PPID: variants seen among roughly 807,000 people sequenced by gnomAD.
The protein encoded by PPID is peptidyl-prolyl cis-trans isomerase D.
A neutral mutation model predicts 48.1 loss-of-function variants in PPID; 47 were observed. That is an observed-to-expected ratio of 0.98 (90% CI 0.77 to 1.25). The LOEUF (loss-of-function observed/expected upper bound fraction) is 1.25, where lower values mean the gene tolerates loss of function less well. PPID is among the 50% of genes most tolerant of loss of function. PPID has a pLI of 0.00. For missense variants in PPID, 429 were observed against 443.5 expected (o/e 0.97, Z 0.29); for synonymous variants, 163 against 148.8 (o/e 1.10, Z -0.69).
intron 3 of PPID, among the ~76,000 whole-genome samples, chr4:158,718,806 CCT>C (rs1199950423): frequency 1.3e-5 from 2 of 152,256 alleles, no homozygotes; most frequent in East Asian, 1.9e-4. Context: ...GTGCAAATCC[CCT>C]GACATCCTGG....
chr4:158,709,535 GAAAC>G lies in PPID; in HGVS notation c.*197_*200del, dbSNP rs972837539. 3.2e-5 allele frequency: 13 copies of G among 409,016 alleles called. No individual in the cohort carries two copies. Among genetic ancestry groups the G allele is most frequent in the African/African-American group, 1.7e-4 (8 of 47,912 alleles). The allele number at this position is 409,016 out of a possible 1,614,324, so 25.3% of individuals were successfully genotyped here. A position where few individuals can be genotyped will look rare whatever the true frequency, so the allele number is the denominator to read the frequency against. The stretch of plus-strand genomic sequence containing the variant: ...TGACAGAGCAAGACTCCATCTCAAA[GAAAC>G]AAACAAAACCACTTTACTTACTGTA... On this transcript the variant is annotated 3_prime_UTR_variant, in exon 10 of 10. Transcript: ENST00000307720.
At chr4:158,710,699 G>T in intron 8 of PPID, 29 bp from the exon 9 acceptor site, 1 of 1,611,790 alleles carries the variant, frequency 6.2e-7, no homozygotes, top group Non-Finnish European at 8.5e-7. Flanking sequence ...ATTTAAGTTA[G>T]GTGTATGATT....
At chr4:158,720,092 T>A (rs77026685) in intron 2 of PPID, among the ~76,000 whole-genome samples, 1,880 of 152,266 alleles carry the variant, frequency 0.012, 30 homozygotes, top group African/African-American at 0.043. Flanking sequence ...TTGGGCACAC[T>A]CTACCTAGCA....
At chr4:158,715,897 C>T (rs1288293447) in intron 4 of PPID, among the ~76,000 whole-genome samples, 1 of 152,104 alleles carries the variant, frequency 6.6e-6, no homozygotes, top group African/African-American at 2.4e-5. Flanking sequence ...GCTCAATAAA[C>T]ACAGAATAAG....
At chr4:158,716,356 A>G (rs1774871480) in intron 4 of PPID, among the ~76,000 whole-genome samples, 1 of 152,168 alleles carries the variant, frequency 6.6e-6, no homozygotes, top group Non-Finnish European at 1.5e-5. Flanking sequence ...AGTCAAGGCC[A>G]AGCCTCTAGT....
intron 9 of PPID, 82 bp from the exon 10 acceptor site, chr4:158,709,906 C>A: frequency 8.6e-7 from 1 of 1,163,472 alleles, no homozygotes; most frequent in Non-Finnish European, 1.2e-6. Flanking sequence ...TTAATGTTAA[C>A]TACCCCTTGA....
intron 9 of PPID, 40 bp downstream of exon 9, chr4:158,710,584 TTAAA>T (rs746695098): frequency 1.9e-6 from 3 of 1,583,334 alleles, no homozygotes; most frequent in African/African-American, 1.3e-5. Context: ...GGATAAGTAT[TTAAA>T]TAACAAAATT....
chr4:158,717,037 T>G lies in PPID; in HGVS notation c.497A>C (p.Glu166Ala), dbSNP rs1411992948. ...TTTAGCAGGTTTTTCACCTTTCACT[T>G]CCACATTTTCCAATATCCTTGCCAC... is the stretch of plus-strand genomic sequence containing the variant. Reference protein sequence around the residue: ...IGVARILENVEVKGEKPAKLC... With the variant: ...IGVARILENVAVKGEKPAKLC... The change falls in exon 4 of 10, where the codon GAA (glutamate) becomes GCA (alanine). Residue 166 changes from glutamate to alanine, a missense_variant. By Grantham distance (107) the Glu-to-Ala change is moderately radical (BLOSUM62 -1). Transcript: ENST00000307720. 1.2e-6 allele frequency: 2 copies of G among 1,613,766 alleles called. No individual in the cohort carries two copies. The highest frequency in any genetic ancestry group is 1.7e-5 in the Admixed American group (1 of 59,942).
chr4:158,720,408 C>T (rs1440596875), intron 2 of PPID, among the ~76,000 whole-genome samples: 1 of 152,060 alleles, frequency 6.6e-6, no homozygotes, highest in Non-Finnish European at 1.5e-5. Flanking sequence ...AAATGTTGCT[C>T]TTGTGATTAT....
intron 3 of PPID, among the ~76,000 whole-genome samples, chr4:158,718,855 G>A (rs1774911305): frequency 2.0e-5 from 3 of 152,144 alleles, no homozygotes; most frequent in African/African-American, 4.8e-5. Context: ...CAAATTCAAG[G>A]ATAAGGATGC....
At position 158,722,263 on chromosome 4, in the gene PPID, G is replaced by A. The variant is rs190922739; in HGVS notation, c.86-780C>T. Among the ~76,000 whole-genome samples the A allele has an allele frequency of 2.0e-5, 3 of 152,302 alleles. No individual in the cohort carries two copies. The East Asian group carries it at 5.8e-4, about 29-fold the overall frequency. ...TAAATCCTGAGTAATTTCTTCAAGA[G>A]GTACTGAGAATTTCCAATCACCAAG... is the stretch of plus-strand genomic sequence containing the variant. On this transcript the variant is annotated intron_variant, in intron 1 of 9. Coordinates refer to ENST00000307720, the MANE Select transcript of PPID (RefSeq NM_005038.3).
In PPID at chr4:158,715,357, T is replaced by C. The variant is rs1774853057; in HGVS notation, c.692A>G (p.Asn231Ser). ...CCAGTTCTGGGATTTGAAAAAAGTA[T>C]TTCCAATGTTTTTTAAGTCTTCTGT... ...LITEDLKNIGNTFFKSQNWEM... is the reference protein window; with the variant it reads ...LITEDLKNIGSTFFKSQNWEM... Residue 231 changes from asparagine (N) to serine (S), a missense_variant, in exon 6 of 10, where the codon AAT becomes AGT. Transcript: ENST00000307720. 1 of 1,542,948 alleles carries C rather than the reference T, an allele frequency of 6.5e-7. No homozygotes were observed. The highest frequency in any genetic ancestry group is 1.4e-5 in the African/African-American group (1 of 72,142).
chr4:158,719,152 G>A (rs1186745369), intron 3 of PPID, 28 bp downstream of exon 3: 10 of 1,398,198 alleles, frequency 7.2e-6, no homozygotes, highest in Non-Finnish European at 1.0e-5. Context: ...CTTTTTATCA[G>A]CAATAACATG....
At chr4:158,711,998 G>GT (rs1277544515) in intron 7 of PPID, among the ~76,000 whole-genome samples, 23 of 152,038 alleles carry the variant, frequency 1.5e-4, no homozygotes, top group Non-Finnish European at 3.1e-4. Flanking sequence ...CTTTTGATAA[G>GT]TTTTTTCCTC....
chr4:158,717,118 G>A lies in PPID; in HGVS notation c.416C>T (p.Thr139Ile). 1 of 1,613,998 alleles carries A rather than the reference G, an allele frequency of 6.2e-7. No individual in the cohort carries two copies. Among genetic ancestry groups the A allele is most frequent in the Middle Eastern group, 1.7e-4 (1 of 6,060 alleles). The change falls in exon 4 of 10, where the codon ACT becomes ATT. Residue 139 changes from threonine (T) to isoleucine (I), a missense_variant. Thr to Ile is a moderately conservative substitution (Grantham distance 89, BLOSUM62 -1). Coordinates refer to ENST00000307720, the MANE Select transcript of PPID (RefSeq NM_005038.3). The part of the protein sequence containing the change: ...GSQFFITTVP[T>I]PHLDGKHVVF... ...CACATGTTTCCCATCCAAATGAGGAGTTGGAACTGTTGTGATAAAAAACTG... is the reference window on the plus strand; with the variant it reads ...CACATGTTTCCCATCCAAATGAGGAATTGGAACTGTTGTGATAAAAAACTG...
chr4:158,709,867 CA>C lies in PPID; in HGVS notation c.1025-44del, dbSNP rs17843960. On this transcript the variant is annotated intron_variant, in intron 9 of 9. Transcript: ENST00000307720. ...AATGTGAGTTATTTCTCAAAATATC[CA>C]AAAAATTATGGTGACTAACAAACTA... 10,494 of 1,479,154 alleles carry C rather than the reference CA, an allele frequency of 7.1e-3. 48 individuals carry two copies. Among genetic ancestry groups the C allele is most frequent in the Non-Finnish European group, 8.1e-3 (8,632 of 1,070,954 alleles). The allele number at this position is 1,479,154 out of a possible 1,614,324, so 91.6% of individuals were successfully genotyped here.
At chr4:158,711,375 C>T (rs1774788327) in intron 7 of PPID, among the ~76,000 whole-genome samples, 1 of 151,456 alleles carries the variant, frequency 6.6e-6, no homozygotes, top group Non-Finnish European at 1.5e-5. Flanking sequence ...CAGGTATGTG[C>T]CACCACACCA....
At chr4:158,722,988 A>C (rs1419088393) in intron 1 of PPID, among the ~76,000 whole-genome samples, 1 of 152,234 alleles carries the variant, frequency 6.6e-6, no homozygotes, top group Admixed American at 6.5e-5. Context: ...AGAAATTTCC[A>C]GAAACTTCCG....
At position 158,715,693 on chromosome 4, in the gene PPID, A is replaced by G; in HGVS notation, c.523-9T>C. 1 of 1,604,514 alleles carries G rather than the reference A, an allele frequency of 6.2e-7. No individual in the cohort carries two copies. The highest frequency in any genetic ancestry group is 1.7e-5 in the Admixed American group (1 of 60,010). On this transcript the variant is annotated splice_polypyrimidine_tract_variant and intron_variant, in intron 4 of 9. Transcript: ENST00000307720. Reference sequence around the variant, plus strand: ...TCTGCAATAACGCACAACTGTAAAAATAACCCTAAATTGTAGAAGTGCACT... The same window carrying G: ...TCTGCAATAACGCACAACTGTAAAAGTAACCCTAAATTGTAGAAGTGCACT...
Sources: gnomAD v4.1 joint callset for allele counts (sites outside exome capture counted in the v4.1 genomes callset) on GRCh38, gnomAD v4.1.1 for gene constraint, MANE v1.5 for transcripts, NCBI Gene and HGNC (gene_info 2026-07-23, HGNC 2026-07-21) for gene names.